CSNK2A2IP: variants seen among roughly 807,000 people sequenced by gnomAD.
CSNK2A2IP encodes casein kinase 2 subunit alpha' interacting protein.
chr3:88,422,770 G>A, the CSNK2A2IP span, among the ~76,000 whole-genome samples: 155 of 152,086 alleles, frequency 1.0e-3, no homozygotes, highest in Middle Eastern at 3.4e-3. Context: ...TTACCTCCTC[G>A]TTTCCTTTTT....
At chr3:88,354,140 G>A in the CSNK2A2IP span, among the ~76,000 whole-genome samples, 1 of 152,170 alleles carries the variant, frequency 6.6e-6, no homozygotes, top group African/African-American at 2.4e-5. Flanking sequence ...GCCCTCATCA[G>A]AAGCAGTTGC....
the CSNK2A2IP span, among the ~76,000 whole-genome samples, chr3:88,386,936 T>C: frequency 6.6e-6 from 1 of 152,146 alleles, no homozygotes; most frequent in Non-Finnish European, 1.5e-5. Flanking sequence ...TGCATTGAGA[T>C]GGATGGGAGA....
the CSNK2A2IP span, among the ~76,000 whole-genome samples, chr3:88,400,217 C>T: frequency 1.9e-3 from 290 of 152,210 alleles, 1 homozygote; most frequent in Middle Eastern, 0.01. Context: ...CAAGTTATTT[C>T]ATTCAGTATT....
the CSNK2A2IP span, among the ~76,000 whole-genome samples, chr3:88,347,936 T>C: frequency 2.6e-4 from 40 of 151,968 alleles, 1 homozygote; most frequent in Admixed American, 2.6e-3. Context: ...TAGTATTTTG[T>C]TCCTCTTTTA....
At chr3:88,338,646 A>G in the CSNK2A2IP span, 66,626 of 152,026 alleles carry the variant, frequency 0.44, 15,852 homozygotes, top group South Asian at 0.62. Flanking sequence ...GTGTGGTGGT[A>G]AGTTCCTGGC....
chr3:88,450,101 T>C, the CSNK2A2IP span, among the ~76,000 whole-genome samples: 1 of 151,746 alleles, frequency 6.6e-6, no homozygotes, highest in South Asian at 2.1e-4. Context: ...ACTCCTGACC[T>C]CAAGTGATCC....
chr3:88,427,363 T>A, the CSNK2A2IP span, among the ~76,000 whole-genome samples: 57 of 152,200 alleles, frequency 3.7e-4, no homozygotes, highest in Middle Eastern at 3.4e-3. Context: ...AGCCTGACAA[T>A]GCAATAGGAA....
chr3:88,445,814 T>C, the CSNK2A2IP span, among the ~76,000 whole-genome samples: 2 of 152,134 alleles, frequency 1.3e-5, no homozygotes, highest in African/African-American at 2.4e-5. Context: ...AAGAAACTGA[T>C]TAGCAAGACA....
the CSNK2A2IP span, among the ~76,000 whole-genome samples, chr3:88,395,114 C>T: frequency 6.6e-6 from 1 of 152,326 alleles, no homozygotes. Context: ...CACTCATACT[C>T]ATATGCAGAC....
chr3:88,358,621 T>C, the CSNK2A2IP span, among the ~76,000 whole-genome samples: 1 of 152,216 alleles, frequency 6.6e-6, no homozygotes, highest in East Asian at 1.9e-4. Flanking sequence ...TTTTATTCTA[T>C]TGATGTGATG....
chr3:88,442,871 C>T, the CSNK2A2IP span, among the ~76,000 whole-genome samples: 23 of 151,398 alleles, frequency 1.5e-4, no homozygotes, highest in East Asian at 9.7e-4. Context: ...ATAAAGAAGA[C>T]GGGCTATAAT....
the CSNK2A2IP span, among the ~76,000 whole-genome samples, chr3:88,447,107 C>A: frequency 6.6e-6 from 1 of 151,988 alleles, no homozygotes; most frequent in Non-Finnish European, 1.5e-5. Flanking sequence ...GTGACTAAAG[C>A]TATAAATTAT....
the CSNK2A2IP span, chr3:88,431,170 C>G: frequency 3.9e-5 from 6 of 152,086 alleles, no homozygotes; most frequent in African/African-American, 1.4e-4. Flanking sequence ...GAATTGGTTC[C>G]AGTTAGAATA....
the CSNK2A2IP span, among the ~76,000 whole-genome samples, chr3:88,431,900 T>C: frequency 4.6e-5 from 7 of 152,184 alleles, no homozygotes; most frequent in Admixed American, 2.0e-4. Context: ...GTCCTATTGA[T>C]AGTCTAAATT....
the CSNK2A2IP span, among the ~76,000 whole-genome samples, chr3:88,358,932 A>G: frequency 1.3e-5 from 2 of 151,118 alleles, no homozygotes; most frequent in African/African-American, 4.9e-5. Flanking sequence ...AAACGTTGGT[A>G]GAATTCAGCA....
At chr3:88,404,436 A>T in the CSNK2A2IP span, among the ~76,000 whole-genome samples, 1 of 152,204 alleles carries the variant, frequency 6.6e-6, no homozygotes, top group African/African-American at 2.4e-5. Flanking sequence ...ATGTTAGATC[A>T]GTGCTGTCCA....
At chr3:88,391,976 G>A in the CSNK2A2IP span, among the ~76,000 whole-genome samples, 1 of 152,194 alleles carries the variant, frequency 6.6e-6, no homozygotes, top group African/African-American at 2.4e-5. Flanking sequence ...GTTTGTTAAA[G>A]AAATGACGGT....
At chr3:88,358,609 T>C in the CSNK2A2IP span, among the ~76,000 whole-genome samples, 1 of 152,220 alleles carries the variant, frequency 6.6e-6, no homozygotes, top group Admixed American at 6.5e-5. Context: ...ATGGTTTTTG[T>C]CTTTTATTCT....
chr3:88,454,682 T>C, the CSNK2A2IP span, among the ~76,000 whole-genome samples: 1 of 151,906 alleles, frequency 6.6e-6, no homozygotes, highest in Non-Finnish European at 1.5e-5. Context: ...TTATATGTAT[T>C]TAGGGTTTAC....
Sources: gnomAD v4.1 joint callset for allele counts (sites outside exome capture counted in the v4.1 genomes callset) on GRCh38, gnomAD v4.1.1 for gene constraint, MANE v1.5 for transcripts, NCBI Gene and HGNC (gene_info 2026-07-23, HGNC 2026-07-21) for gene names.